Variants in FSD1L observed in about 807,000 individuals in gnomAD.
FSD1L encodes FSD1-like protein.
Under a neutral mutation model 71.6 loss-of-function variants are expected in FSD1L, and 45 were observed. The ratio of observed to expected loss-of-function variants is 0.63; its 90% CI spans 0.49 to 0.81. The LOEUF (loss-of-function observed/expected upper bound fraction) is 0.81, where lower values mean the gene tolerates loss of function less well. Among genes scored for constraint, FSD1L ranks in the 30% least tolerant of loss-of-function variants. The probability of loss-of-function intolerance (pLI) is 0.00; values close to 1 mark genes in which losing one functional copy is unlikely to be tolerated. For missense variants in FSD1L, 561 were observed against 618.1 expected, an observed-to-expected ratio of 0.91 and a Z score of 0.98; for synonymous variants, 197 against 207.2, an observed-to-expected ratio of 0.95 and a Z score of 0.42.
intron 9 of FSD1L, among the ~76,000 whole-genome samples, chr9:105,509,954 T>C (rs1834299279): frequency 6.6e-6 from 1 of 152,238 alleles, no homozygotes; most frequent in Non-Finnish European, 1.5e-5. Flanking sequence ...TTCATTACTA[T>C]TATTCTTCCT....
chr9:105,475,060 T>C (rs1831707163), intron 5 of FSD1L, among the ~76,000 whole-genome samples: 1 of 152,226 alleles, frequency 6.6e-6, no homozygotes, highest in Admixed American at 6.5e-5. Context: ...CAAATGTGCA[T>C]TCTCTGCTAA....
In FSD1L at chr9:105,461,617, T is replaced by C; in HGVS notation, c.111+2T>C. ...CCAGAGTCTATTAACTTGCAGCAGGTTGGTAGCTCTTAAAGGAGCAGAGGT... is the reference window on the plus strand; with the variant it reads ...CCAGAGTCTATTAACTTGCAGCAGGCTGGTAGCTCTTAAAGGAGCAGAGGT... On this transcript the variant is annotated splice_donor_variant, in intron 2 of 13. Transcript: ENST00000481272. LOFTEE classifies it high-confidence loss of function. The C allele has an allele frequency of 4.6e-6, 7 of 1,534,194 alleles. No homozygotes were observed. Among genetic ancestry groups the C allele is most frequent in the Non-Finnish European group, 5.3e-6 (6 of 1,130,962 alleles).
intron 6 of FSD1L, among the ~76,000 whole-genome samples, chr9:105,481,122 A>T (rs1181842189): frequency 7.7e-6 from 1 of 130,650 alleles, no homozygotes; most frequent in Admixed American, 8.1e-5. Flanking sequence ...GATCTCAGGA[A>T]TTAGGGTTCA....
chr9:105,473,199 CGAAGGCTGA>C (rs1439067068), intron 5 of FSD1L: 1 of 152,120 alleles, frequency 6.6e-6, no homozygotes, highest in Non-Finnish European at 1.5e-5. Flanking sequence ...CCCAGCTACT[CGAAGGCTGA>C]GATGGGAGGA....
intron 13 of FSD1L, among the ~76,000 whole-genome samples, chr9:105,542,941 A>G (rs1836725816): frequency 6.6e-6 from 1 of 152,130 alleles, no homozygotes; most frequent in Admixed American, 6.6e-5. Flanking sequence ...GCTTTGCTTA[A>G]CTCAAGGTCA....
At chr9:105,490,453 G>A (rs1478954817) in intron 7 of FSD1L, among the ~76,000 whole-genome samples, 2 of 151,958 alleles carry the variant, frequency 1.3e-5, no homozygotes, top group Non-Finnish European at 2.9e-5. Flanking sequence ...CATTTTGTAG[G>A]TTGCCTGTTC....
intron 6 of FSD1L, among the ~76,000 whole-genome samples, chr9:105,483,909 T>A (rs1309298136): frequency 1.3e-5 from 2 of 152,166 alleles, no homozygotes; most frequent in African/African-American, 4.8e-5. Flanking sequence ...CTACCTCTAC[T>A]CTTATTTGAG....
chr9:105,500,620 A>G (rs1316738027), intron 7 of FSD1L: 3 of 152,190 alleles, frequency 2.0e-5, no homozygotes, highest in Non-Finnish European at 4.4e-5. Context: ...CTGCTGTGGA[A>G]GCATAAGGGG....
At chr9:105,495,163 C>T (rs1001474313) in intron 7 of FSD1L, among the ~76,000 whole-genome samples, 9 of 152,340 alleles carry the variant, frequency 5.9e-5, no homozygotes, top group Non-Finnish European at 1.2e-4. Context: ...CCAGTTTGAG[C>T]TTCCCGGCTG....
At chr9:105,446,559 T>TG (rs1829652961), upstream of FSD1L, among the ~76,000 whole-genome samples, 1 of 151,798 alleles carries the variant, frequency 6.6e-6, no homozygotes, top group Admixed American at 6.6e-5. Flanking sequence ...TCTGTAGAGA[T>TG]GGGGTTTTGC....
intron 13 of FSD1L, among the ~76,000 whole-genome samples, chr9:105,541,916 C>T (rs1836646347): frequency 6.6e-6 from 1 of 152,174 alleles, no homozygotes; most frequent in Admixed American, 6.5e-5. Flanking sequence ...TACCATGCTG[C>T]ATTTGAAATT....
chr9:105,451,979 A>G (rs1830033212), intron 1 of FSD1L, among the ~76,000 whole-genome samples: 1 of 152,242 alleles, frequency 6.6e-6, no homozygotes, highest in South Asian at 2.1e-4. Context: ...AAGAGCATAT[A>G]TTGTCACTTG....
At chr9:105,464,551 A>G (rs1830930515) in intron 3 of FSD1L, among the ~76,000 whole-genome samples, 1 of 152,248 alleles carries the variant, frequency 6.6e-6, no homozygotes, top group Non-Finnish European at 1.5e-5. Flanking sequence ...AGTAGTTGTT[A>G]GAAAATACCA....
chr9:105,452,711 C>CTTCCTTCCTTCCTTCCTTCCTTCT (rs1564073534), intron 1 of FSD1L, among the ~76,000 whole-genome samples: 4 of 148,924 alleles, frequency 2.7e-5, no homozygotes, highest in Admixed American at 1.3e-4. Context: ...TCCTTCCTTC[C>CTTCCTTCCTTCCTTCCTTCCTTCT]TTCCTTCTTT....
At chr9:105,526,862 C>T (rs1835544556) in intron 10 of FSD1L, among the ~76,000 whole-genome samples, 1 of 151,764 alleles carries the variant, frequency 6.6e-6, no homozygotes, top group African/African-American at 2.4e-5. Flanking sequence ...TACAATTGGA[C>T]AATTAGTCTC....
intron 10 of FSD1L, chr9:105,525,145 A>G: frequency 6.4e-7 from 1 of 1,561,728 alleles, no homozygotes; most frequent in South Asian, 1.2e-5. Context: ...TCATGCTTTC[A>G]TTGTCTCACC....
chr9:105,519,821 C>T (rs1834998369), intron 10 of FSD1L, among the ~76,000 whole-genome samples: 1 of 152,078 alleles, frequency 6.6e-6, no homozygotes. Flanking sequence ...TGGCGGCGAG[C>T]GGCGGCCGCT....
At chr9:105,484,061 C>CAG (rs1832377804) in intron 6 of FSD1L, among the ~76,000 whole-genome samples, 1 of 151,996 alleles carries the variant, frequency 6.6e-6, no homozygotes, top group Non-Finnish European at 1.5e-5. Context: ...ATTGAGTGTA[C>CAG]AGAGGTTCAG....
At chr9:105,500,029 T>C (rs1444034240) in intron 7 of FSD1L, among the ~76,000 whole-genome samples, 1 of 152,242 alleles carries the variant, frequency 6.6e-6, no homozygotes, top group Non-Finnish European at 1.5e-5. Flanking sequence ...TGCGGTTTTT[T>C]CTTAGAATTT....
Sources: allele counts gnomAD v4.1 joint callset (sites outside exome capture counted in the v4.1 genomes callset), GRCh38; gene constraint gnomAD v4.1.1; transcripts MANE v1.5; gene names NCBI Gene and HGNC (gene_info 2026-07-23, HGNC 2026-07-21).